Variants in ADD1 observed in about 807,000 individuals in gnomAD.
ADD1 encodes the protein alpha-adducin.
Under a neutral mutation model 80.5 loss-of-function variants are expected in ADD1, and 24 were observed. That is an observed-to-expected ratio of 0.30 (90% CI 0.22 to 0.42). The LOEUF (loss-of-function observed/expected upper bound fraction) is 0.42. Ranked by LOEUF, ADD1 falls within the 10% of genes least tolerant of loss-of-function variation. The pLI is 1.00. For synonymous variants in ADD1, 373 were observed against 393.8 expected, an observed-to-expected ratio of 0.95 and a Z score of 0.63; for missense variants, 948 against 1,019.0, an observed-to-expected ratio of 0.93 and a Z score of 0.95.
intron 6 of ADD1, among the ~76,000 whole-genome samples, chr4:2,896,734 G>C (rs1235154171): frequency 5.3e-5 from 8 of 152,022 alleles, no homozygotes; most frequent in African/African-American, 1.9e-4. Flanking sequence ...TGACAGTATG[G>C]TTATGAACAG....
Position 2,928,607 on chromosome 4 carries a change from A to G in ADD1, c.*84A>G. 2.1e-6 allele frequency: 3 copies of G among 1,453,898 alleles called. No homozygotes were observed. The highest frequency in any genetic ancestry group is 1.8e-4 in the Middle Eastern group (1 of 5,692). 90.1% of individuals were successfully genotyped at this position (1,453,898 alleles called of 1,614,324 possible). A position where few individuals can be genotyped will look rare whatever the true frequency, so the allele number is the denominator to read the frequency against. ...CCACGTCTGTGCTCTGTCCTTGTGT[A>G]ATGGAATGCAAAAAAGCCAAGCCCT... On this transcript the variant is annotated 3_prime_UTR_variant, in exon 16 of 16. Transcript: ENST00000683351.
intron 1 of ADD1, among the ~76,000 whole-genome samples, chr4:2,852,194 CT>C (rs1204770673): frequency 7.8e-5 from 5 of 63,792 alleles, no homozygotes; most frequent in African/African-American, 2.4e-4. Flanking sequence ...TTCTTTCTTT[CT>C]TTCCTTTCTT....
At chr4:2,910,820 A>G (rs908299406) in intron 13 of ADD1, among the ~76,000 whole-genome samples, 3 of 152,214 alleles carry the variant, frequency 2.0e-5, no homozygotes, top group South Asian at 2.1e-4. Flanking sequence ...TGCTGCATCC[A>G]GGTGTCATTA....
intron 14 of ADD1, among the ~76,000 whole-genome samples, chr4:2,920,953 TGTTTTTGCAGTGGGTGGAACTG>T (rs1389242351): frequency 6.6e-6 from 1 of 152,222 alleles, no homozygotes; most frequent in Non-Finnish European, 1.5e-5. Context: ...CAATTTGGTA[TGTTTTTGCAGTGGGTGGAACTG>T]GTTTTTGCTC....
chr4:2,851,056 A>G (rs747224172), intron 1 of ADD1, among the ~76,000 whole-genome samples: 1 of 152,272 alleles, frequency 6.6e-6, no homozygotes, highest in African/African-American at 2.4e-5. Context: ...AAAACTCTGT[A>G]TACTTCATTT....
intron 1 of ADD1, among the ~76,000 whole-genome samples, chr4:2,873,262 G>A (rs1730740600): frequency 6.6e-6 from 1 of 152,130 alleles, no homozygotes; most frequent in African/African-American, 2.4e-5. Context: ...AAAGTGCCAG[G>A]ATTACAGACA....
chr4:2,881,780 G>A (rs556913505), intron 2 of ADD1, 118 bp from the exon 3 acceptor site: 33 of 691,766 alleles, frequency 4.8e-5, no homozygotes, highest in Middle Eastern at 3.1e-4. Context: ...GAGAATATCC[G>A]TTTGCCTTTC....
chr4:2,844,635 C>T (rs1446363953), intron 1 of ADD1: 1 of 152,174 alleles, frequency 6.6e-6, no homozygotes, highest in African/African-American at 2.4e-5. Context: ...GTTAGGATGA[C>T]TTTTATCTTT....
At chr4:2,852,031 G>A (rs919278704) in intron 1 of ADD1, among the ~76,000 whole-genome samples, 3 of 151,980 alleles carry the variant, frequency 2.0e-5, no homozygotes, top group African/African-American at 7.2e-5. Context: ...TAGAGACGGG[G>A]TTTCCCCATG....
At chr4:2,882,126 C>T in intron 3 of ADD1, 66 bp downstream of exon 3, 1 of 1,437,254 alleles carries the variant, frequency 7.0e-7, no homozygotes, top group Non-Finnish European at 9.3e-7. Context: ...GAAGATTGCT[C>T]ATGTGAAATA....
Position 2,926,148 on chromosome 4 carries a change from G to A in ADD1, c.2047+36G>A. ...GGTGGCAGCGGCCGCCACTGTGGGA[G>A]GGTGCACGGCTCGTGCGCGCTGTGG... is the stretch of plus-strand genomic sequence containing the variant. On this transcript the variant is annotated intron_variant, in intron 15 of 15. Transcript: ENST00000683351. The surrounding 1 kb of genome is among the most constrained non-coding windows in gnomAD (Gnocchi z 5.0). The A allele has an allele frequency of 6.3e-7, 1 of 1,576,166 alleles. No individual in the cohort carries two copies. Among genetic ancestry groups the A allele is most frequent in the Non-Finnish European group, 8.7e-7 (1 of 1,146,064 alleles).
At chr4:2,846,457 T>G (rs1455199600) in intron 1 of ADD1, among the ~76,000 whole-genome samples, 1 of 152,234 alleles carries the variant, frequency 6.6e-6, no homozygotes, top group African/African-American at 2.4e-5. Context: ...CCCTTGATTG[T>G]CAGTGCCTAC....
Position 2,909,688 on chromosome 4 carries a change from G to T in ADD1, c.1791+257G>T, listed in dbSNP as rs1313611245. ...AAATGGCCAGTCTGAGCAACGTGGT[G>T]CATTTCTGCAGTTCCGCACGGGACT... On this transcript the variant is annotated intron_variant, in intron 13 of 15. Coordinates refer to ENST00000683351, the MANE Select transcript of ADD1 (RefSeq NM_001354761.2). Among the ~76,000 whole-genome samples, 12 of 152,268 alleles carry T rather than the reference G, an allele frequency of 7.9e-5. No homozygotes were observed. In the East Asian group the frequency reaches 2.3e-3, roughly 29 times the overall value.
At chr4:2,862,262 G>A (rs1728926346) in intron 1 of ADD1, among the ~76,000 whole-genome samples, 1 of 152,178 alleles carries the variant, frequency 6.6e-6, no homozygotes, top group African/African-American at 2.4e-5. Context: ...TAAAGTGAAT[G>A]CGCTCAGAAG....
intron 8 of ADD1, chr4:2,898,882 G>T: frequency 2.6e-6 from 1 of 387,110 alleles, no homozygotes; most frequent in Non-Finnish European, 4.8e-6. Flanking sequence ...CAGGTATACA[G>T]AAGTAGAGAC....
chr4:2,912,892 T>G (rs1202498980), intron 13 of ADD1, among the ~76,000 whole-genome samples: 3 of 152,190 alleles, frequency 2.0e-5, no homozygotes, highest in African/African-American at 7.2e-5. Context: ...TTGCCCAGGT[T>G]GGAGTGCAGT....
At chr4:2,914,806 G>T in intron 13 of ADD1, 78 bp from the exon 14 acceptor site, 3 of 1,510,164 alleles carry the variant, frequency 2.0e-6, no homozygotes, top group Non-Finnish European at 2.7e-6. Flanking sequence ...CCCCCGCCCT[G>T]CCTGCAGCCT....
chr4:2,882,362 T>C (rs1258854239), intron 3 of ADD1, among the ~76,000 whole-genome samples: 1 of 152,128 alleles, frequency 6.6e-6, no homozygotes, highest in Non-Finnish European at 1.5e-5. Context: ...TGCTGTGGAG[T>C]AGCACATCAG....
In ADD1 at chr4:2,893,126, G is replaced by A. The variant is rs895559088; in HGVS notation, c.511-887G>A. On this transcript the variant is annotated intron_variant, in intron 4 of 15. Coordinates refer to ENST00000683351, the MANE Select transcript of ADD1 (RefSeq NM_001354761.2). Reference sequence around the variant, plus strand: ...ATTTTTTTAGTAGAGACGGGGTTTTGCCATGTTGACCAGGCTGGTCCCAAA... The same window carrying A: ...ATTTTTTTAGTAGAGACGGGGTTTTACCATGTTGACCAGGCTGGTCCCAAA... Among the ~76,000 whole-genome samples the A allele has an allele frequency of 5.3e-5, 8 of 151,868 alleles. No individual in the cohort carries two copies. In the East Asian group the frequency reaches 1.6e-3, roughly 30 times the overall value.
Sources: allele counts gnomAD v4.1 joint callset (sites outside exome capture counted in the v4.1 genomes callset), GRCh38; gene constraint gnomAD v4.1.1; non-coding constraint Gnocchi (gnomAD v3.1); transcripts MANE v1.5; gene names NCBI Gene and HGNC (gene_info 2026-07-23, HGNC 2026-07-21).